IFT74: variants seen among roughly 807,000 people sequenced by gnomAD.
The protein encoded by IFT74 is intraflagellar transport protein 74 homolog.
In IFT74, 92 loss-of-function variants were observed where a neutral mutation model predicts 96.7. That is an observed-to-expected ratio of 0.95 (90% CI 0.80 to 1.13). IFT74 has a LOEUF of 1.13. Among genes scored for constraint, IFT74 ranks in the 50% most tolerant of loss-of-function variants. IFT74 has a pLI of 0.00. For missense variants in IFT74, 811 were observed against 698.2 expected (o/e 1.16, Z -1.82); for synonymous variants, 223 against 213.2 (o/e 1.05, Z -0.40).
At chr9:27,023,236 C>T (rs892985347) in intron 12 of IFT74, among the ~76,000 whole-genome samples, 4 of 152,040 alleles carry the variant, frequency 2.6e-5, no homozygotes, top group African/African-American at 9.7e-5. Flanking sequence ...TGTCTTGTTC[C>T]AGTTCTTAGG....
chr9:26,980,546 TA>T, intron 3 of IFT74, 24 bp from the exon 4 acceptor site: 1 of 1,529,374 alleles, frequency 6.5e-7, no homozygotes, highest in Non-Finnish European at 9.1e-7. Flanking sequence ...AACTGAACAC[TA>T]ACACTTAAAA....
At chr9:27,006,556 TACC>T (rs2131595467) in intron 8 of IFT74, among the ~76,000 whole-genome samples, 1 of 150,688 alleles carries the variant, frequency 6.6e-6, no homozygotes, top group East Asian at 2.0e-4. Flanking sequence ...ATGATTGTGC[TACC>T]ACAGTCTAGT....
At chr9:27,040,544 C>CAA (rs751893169) in intron 13 of IFT74, among the ~76,000 whole-genome samples, 5,979 of 61,242 alleles carry the variant, frequency 0.098, 743 homozygotes, top group East Asian at 0.65. Flanking sequence ...GACACTGTCT[C>CAA]AAAAAAAAAA....
rs924111629 is a variant in IFT74 at position 27,064,985 on chromosome 9, CAGAA to C, written c.*2252_*2255del. On this transcript the variant is annotated 3_prime_UTR_variant, in exon 20 of 20. Coordinates refer to ENST00000380062, the MANE Select transcript of IFT74 (RefSeq NM_025103.4). ...TATATGCAGTTACTACTTTAACTGA[CAGAA>C]AGGATGTAGTAAAAACTCTTAAGTC... Among the ~76,000 whole-genome samples, 4 of 152,032 alleles carry C rather than the reference CAGAA, an allele frequency of 2.6e-5. No homozygotes were observed. The highest frequency in any genetic ancestry group is 4.4e-5 in the Non-Finnish European group (3 of 67,972).
chr9:26,949,158 A>G (rs979732904), intron 1 of IFT74, among the ~76,000 whole-genome samples: 2 of 152,146 alleles, frequency 1.3e-5, no homozygotes, highest in African/African-American at 2.4e-5. Flanking sequence ...AATCTTAACC[A>G]TCTAATTTAC....
At position 27,047,784 on chromosome 9, in the gene IFT74, G is replaced by A. The variant is rs75769643; in HGVS notation, c.1207-364G>A. Among the ~76,000 whole-genome samples, 74 of 152,226 alleles carry A rather than the reference G, an allele frequency of 4.9e-4. No homozygotes were observed. In the East Asian group the frequency reaches 0.013, roughly 26 times the overall value. ...AATAAAAAGATTCTTGTATGTATAT[G>A]TAATGAGTATCTCAAATTATCAAAA... On this transcript the variant is annotated intron_variant, in intron 15 of 19. Coordinates refer to ENST00000380062, the MANE Select transcript of IFT74 (RefSeq NM_025103.4).
intron 1 of IFT74, among the ~76,000 whole-genome samples, chr9:26,948,473 T>TAC: frequency 9.4e-6 from 1 of 106,874 alleles, no homozygotes; most frequent in African/African-American, 4.1e-5. Flanking sequence ...TTTTTTTTTT[T>TAC]TTTTTTTTTT....
At chr9:27,024,031 T>C (rs1396619029) in intron 12 of IFT74, among the ~76,000 whole-genome samples, 1 of 152,150 alleles carries the variant, frequency 6.6e-6, no homozygotes, top group African/African-American at 2.4e-5. Flanking sequence ...CTCTTGAAAG[T>C]GCCACCTCCT....
In IFT74 at chr9:27,065,088, T is replaced by A. The variant is rs1191514957; in HGVS notation, c.*2352T>A. Among the ~76,000 whole-genome samples, 2 of 152,158 alleles carry A rather than the reference T, an allele frequency of 1.3e-5. No individual in the cohort carries two copies. The highest frequency in any genetic ancestry group is 2.9e-5 in the Non-Finnish European group (2 of 67,998). On this transcript the variant is annotated 3_prime_UTR_variant, in exon 20 of 20. Transcript: ENST00000380062. ...AAGATTGGCCTGTCCATTAAATATATGTGTTTGCATTATAACAATGGGAAA... is the reference window on the plus strand; with the variant it reads ...AAGATTGGCCTGTCCATTAAATATAAGTGTTTGCATTATAACAATGGGAAA...
At chr9:27,009,579 A>C (rs773339320) in intron 9 of IFT74, among the ~76,000 whole-genome samples, 2 of 152,084 alleles carry the variant, frequency 1.3e-5, no homozygotes, top group African/African-American at 2.4e-5. Context: ...TTTTAATGCA[A>C]ACATTAAAAG....
chr9:26,963,249 A>T (rs536193748), intron 2 of IFT74, among the ~76,000 whole-genome samples: 4 of 151,560 alleles, frequency 2.6e-5, no homozygotes, highest in Non-Finnish European at 4.4e-5. Context: ...GAGAATGATG[A>T]TTTCCAATTT....
At chr9:26,994,075 C>T (rs1209817305) in intron 8 of IFT74, 1 of 152,116 alleles carries the variant, frequency 6.6e-6, no homozygotes, top group Non-Finnish European at 1.5e-5. Flanking sequence ...GCCGATAGGC[C>T]AGTGTTTTCC....
intron 2 of IFT74, among the ~76,000 whole-genome samples, chr9:26,974,591 T>C (rs1827019930): frequency 6.6e-6 from 1 of 152,200 alleles, no homozygotes; most frequent in Non-Finnish European, 1.5e-5. Context: ...AGCTGCATTA[T>C]TATTGTCCCA....
In IFT74 at chr9:27,017,031, G is replaced by C; in HGVS notation, c.914G>C (p.Arg305Thr). Residue 305 changes from arginine to threonine, a missense_variant, in exon 11 of 20, where the codon AGA (arginine) becomes ACA (threonine). Transcript: ENST00000380062. ...DKSIGSPMEE[R>T]EKLLKQIKDD... is the part of the protein sequence containing the mutation. ...AGCATAGGATCTCCAATGGAAGAGAGAGAGAAATTACTTAAGCAGGTGGGC... is the reference window on the plus strand; with the variant it reads ...AGCATAGGATCTCCAATGGAAGAGACAGAGAAATTACTTAAGCAGGTGGGC... The C allele has an allele frequency of 6.2e-7, 1 of 1,605,408 alleles. No homozygotes were observed. Among genetic ancestry groups the C allele is most frequent in the Non-Finnish European group, 8.5e-7 (1 of 1,176,994 alleles).
At chr9:27,022,681 C>T (rs557522036) in intron 12 of IFT74, among the ~76,000 whole-genome samples, 15 of 147,814 alleles carry the variant, frequency 1.0e-4, no homozygotes, top group Non-Finnish European at 1.8e-4. Flanking sequence ...CTTGCTCTGT[C>T]GCCCAGGCTG....
In IFT74 at chr9:27,029,049, A is replaced by T. The variant is rs752468121; in HGVS notation, c.999A>T (p.Ile333=). Residue 333 remains isoleucine, a synonymous_variant, in exon 13 of 20, where the codon ATA becomes ATT. Transcript: ENST00000380062. Reference sequence around the variant, plus strand: ...GGTTAACAGATACAAAAGAAAAGATAAATCAGTTTATTGAAGAAATTAGAC... The same window carrying T: ...GGTTAACAGATACAAAAGAAAAGATTAATCAGTTTATTGAAGAAATTAGAC... ...ERQLTDTKEK[I]NQFIEEIRQL... is the part of the protein sequence containing the mutation. 6.2e-7 allele frequency: 1 copy of T among 1,601,512 alleles called. No homozygotes were observed. Among genetic ancestry groups the T allele is most frequent in the South Asian group, 1.1e-5 (1 of 88,232 alleles).
intron 1 of IFT74, among the ~76,000 whole-genome samples, chr9:26,950,649 T>C (rs1825904477): frequency 6.6e-6 from 1 of 152,224 alleles, no homozygotes; most frequent in Non-Finnish European, 1.5e-5. Context: ...CTCTCATTAG[T>C]TATAATTCTG....
chr9:27,009,144 G>A lies in IFT74; in HGVS notation c.712G>A (p.Glu238Lys). 6.2e-7 allele frequency: 1 copy of A among 1,612,512 alleles called. No individual in the cohort carries two copies. Among genetic ancestry groups the A allele is most frequent in the Non-Finnish European group, 8.5e-7 (1 of 1,179,178 alleles). ...GTACCTAGAGATGAAAACCACAAATGAGAAACTGTTACAGGTAATACAAAT... is the reference window on the plus strand; with the variant it reads ...GTACCTAGAGATGAAAACCACAAATAAGAAACTGTTACAGGTAATACAAAT... ...VKYLEMKTTN[E>K]KLLQELDTLQ... is the part of the protein sequence containing the mutation. Residue 238 changes from glutamate to lysine, a missense_variant, in exon 9 of 20, where the codon GAG (glutamate) becomes AAG (lysine). Coordinates refer to ENST00000380062, the MANE Select transcript of IFT74 (RefSeq NM_025103.4).
chr9:27,061,608 A>G (rs1820423954), intron 19 of IFT74, among the ~76,000 whole-genome samples: 1 of 151,464 alleles, frequency 6.6e-6, no homozygotes, highest in Admixed American at 6.6e-5. Context: ...TCTCTAAAAT[A>G]TAGTTAATAT....
Sources: gnomAD v4.1 joint callset for allele counts (sites outside exome capture counted in the v4.1 genomes callset) on GRCh38, gnomAD v4.1.1 for gene constraint, MANE v1.5 for transcripts, NCBI Gene and HGNC (gene_info 2026-07-23, HGNC 2026-07-21) for gene names.